The following PRKCB variants were observed in gnomAD, a reference collection of about 807,000 sequenced individuals.
PRKCB encodes protein kinase C beta.
In PRKCB, 13 loss-of-function variants were observed where a neutral mutation model predicts 81.5. That is an observed-to-expected ratio of 0.16 (90% CI 0.10 to 0.25). PRKCB has a LOEUF of 0.25. Among genes scored for constraint, PRKCB ranks in the 10% least tolerant of loss-of-function variants. The pLI is 1.00. For missense variants in PRKCB, 509 were observed against 875.7 expected (o/e 0.58, Z 5.29); for synonymous variants, 335 against 321.4 (o/e 1.04, Z -0.45).
intron 9 of PRKCB, among the ~76,000 whole-genome samples, chr16:24,137,044 A>ATTTTT (rs11321761): frequency 2.1e-5 from 3 of 139,560 alleles, no homozygotes; most frequent in Non-Finnish European, 3.1e-5. Context: ...TGCCCGGCTA[A>ATTTTT]TTTTTTTTTT....
chr16:24,013,797 G>T (rs1428569994), intron 3 of PRKCB, among the ~76,000 whole-genome samples: 2 of 88,036 alleles, frequency 2.3e-5, no homozygotes, highest in Admixed American at 2.2e-4. Context: ...AAAAAAAAAA[G>T]TATAGACATC....
chr16:23,842,522 T>G (rs1962284750), intron 2 of PRKCB, among the ~76,000 whole-genome samples: 1 of 152,176 alleles, frequency 6.6e-6, no homozygotes, highest in Admixed American at 6.5e-5. Context: ...CACCAGTGAG[T>G]GCTCAGTTCA....
chr16:23,893,323 C>G (rs566217250), intron 2 of PRKCB: 1 of 152,324 alleles, frequency 6.6e-6, no homozygotes, highest in South Asian at 2.1e-4. Context: ...ATATGGCAGC[C>G]CATTCCAGCT....
At chr16:23,919,205 C>T (rs1329089788) in intron 2 of PRKCB, among the ~76,000 whole-genome samples, 1 of 152,140 alleles carries the variant, frequency 6.6e-6, no homozygotes, top group Non-Finnish European at 1.5e-5. Context: ...TGTTAAGGAT[C>T]CAGCAGTAGA....
chr16:23,940,664 T>C (rs1284435991), intron 2 of PRKCB, among the ~76,000 whole-genome samples: 1 of 152,064 alleles, frequency 6.6e-6, no homozygotes, highest in Non-Finnish European at 1.5e-5. Context: ...TTATGTAACA[T>C]ATACAATGAA....
At chr16:23,965,057 G>A (rs559523445) in intron 2 of PRKCB, among the ~76,000 whole-genome samples, 2 of 152,224 alleles carry the variant, frequency 1.3e-5, no homozygotes, top group South Asian at 4.2e-4. Context: ...TTGTTACATG[G>A]GTAAATTGCA....
At chr16:24,120,270 A>T (rs948774420) in intron 8 of PRKCB, among the ~76,000 whole-genome samples, 2 of 152,192 alleles carry the variant, frequency 1.3e-5, no homozygotes, top group Non-Finnish European at 2.9e-5. Flanking sequence ...GGTTTGGGTT[A>T]CATGGGTGTG....
intron 9 of PRKCB, among the ~76,000 whole-genome samples, chr16:24,144,720 T>C (rs1966963682): frequency 6.6e-6 from 1 of 152,234 alleles, no homozygotes; most frequent in Non-Finnish European, 1.5e-5. Flanking sequence ...GGATGGAGCC[T>C]TATGTAAATT....
intron 2 of PRKCB, among the ~76,000 whole-genome samples, chr16:23,937,410 T>C (rs1964077639): frequency 6.6e-6 from 1 of 152,216 alleles, no homozygotes; most frequent in Non-Finnish European, 1.5e-5. Flanking sequence ...GCAAGCTCAA[T>C]AATGCCAAGC....
chr16:23,881,386 G>A (rs1963104874), intron 2 of PRKCB, among the ~76,000 whole-genome samples: 1 of 151,256 alleles, frequency 6.6e-6, no homozygotes, highest in East Asian at 2.0e-4. Flanking sequence ...CCAAGTAGTT[G>A]GGATTACAGG....
rs148672985 is a variant in PRKCB, at chr16:24,015,517, G to A, written c.289-16619G>A. Among the ~76,000 whole-genome samples the A allele has an allele frequency of 2.9e-3, 442 of 152,344 alleles. 1 individual carries two copies. The highest frequency in any genetic ancestry group is 4.3e-3 in the Non-Finnish European group (292 of 68,032). ...GTGGAGGTGGGGTGGTGTCAGCCAG[G>A]TCTACCTGGGTTGACTCTGAACCTC... is the stretch of plus-strand genomic sequence containing the variant. On this transcript the variant is annotated intron_variant, in intron 3 of 16. Transcript: ENST00000643927.
At chr16:24,161,013 T>TA (rs755293224) in intron 10 of PRKCB, among the ~76,000 whole-genome samples, 257 of 148,208 alleles carry the variant, frequency 1.7e-3, no homozygotes, top group Non-Finnish European at 2.6e-3. Context: ...CAGCTACCTT[T>TA]AAAAAAAAAA....
intron 3 of PRKCB, among the ~76,000 whole-genome samples, chr16:24,021,018 T>TTCTTTCTTTCTTTCTTTCTTTCTTTTTC (rs1965362473): frequency 7.4e-6 from 1 of 134,534 alleles, no homozygotes; most frequent in African/African-American, 2.9e-5. Flanking sequence ...CTTTCTTTCT[T>TTCTTTCTTTCTTTCTTTCTTTCTTTTTC]TCTTTCTTTC....
chr16:24,020,970 TTTTCTTTTTCTTTCTTTCTTTC>T lies in PRKCB; in HGVS notation c.289-11158_289-11137del, dbSNP rs773118916. On this transcript the variant is annotated intron_variant, in intron 3 of 16. Transcript: ENST00000643927. ...ACAGCCCATTCAGACTGAGAGAGAC[TTTTCTTTTTCTTTCTTTCTTTC>T]TTTCTTTCTTTCTTTCTTTCTTTCT... Among the ~76,000 whole-genome samples the T allele has an allele frequency of 3.1e-3, 376 of 120,518 alleles. 2 individuals are homozygous for T. The highest frequency in any genetic ancestry group is 8.7e-3 in the Middle Eastern group (2 of 230). The allele number at this position is 120,518 out of a possible 152,430, so 79.1% of individuals were successfully genotyped here.
intron 3 of PRKCB, among the ~76,000 whole-genome samples, chr16:24,000,334 G>T (rs117158665): frequency 6.6e-6 from 1 of 152,144 alleles, no homozygotes; most frequent in Non-Finnish European, 1.5e-5. Context: ...TGCCTCAATC[G>T]CCAGTGGACT....
At chr16:23,995,158 A>G (rs1170369898) in intron 3 of PRKCB, among the ~76,000 whole-genome samples, 1 of 152,196 alleles carries the variant, frequency 6.6e-6, no homozygotes, top group East Asian at 1.9e-4. Context: ...ACCCTTCTAC[A>G]TCCGAGAAAG....
intron 3 of PRKCB, among the ~76,000 whole-genome samples, chr16:23,988,921 G>A (rs1254262529): frequency 6.6e-6 from 1 of 152,060 alleles, no homozygotes; most frequent in Non-Finnish European, 1.5e-5. Flanking sequence ...TGCACGTTAT[G>A]GCACTTTGTT....
chr16:23,914,734 A>T (rs1353434612), intron 2 of PRKCB, among the ~76,000 whole-genome samples: 10 of 152,054 alleles, frequency 6.6e-5, no homozygotes, highest in Non-Finnish European at 1.5e-5. Flanking sequence ...TGCCCAATCG[A>T]TTTCACTCAT....
intron 2 of PRKCB, among the ~76,000 whole-genome samples, chr16:23,934,998 G>A (rs1051402457): frequency 6.6e-6 from 1 of 152,196 alleles, no homozygotes; most frequent in Non-Finnish European, 1.5e-5. Flanking sequence ...ATGACTGAGT[G>A]AGAGGAGGGA....
Sources: gnomAD v4.1 joint callset for allele counts (sites outside exome capture counted in the v4.1 genomes callset) on GRCh38, gnomAD v4.1.1 for gene constraint, MANE v1.5 for transcripts, NCBI Gene and HGNC (gene_info 2026-07-23, HGNC 2026-07-21) for gene names.